The following PTPRD variants were observed in gnomAD, a reference collection of about 807,000 sequenced individuals.
PTPRD encodes the protein protein tyrosine phosphatase receptor type D.
In PTPRD, 34 loss-of-function variants were observed where a neutral mutation model predicts 214.5. That is an observed-to-expected ratio of 0.16 (90% CI 0.12 to 0.21). The LOEUF (loss-of-function observed/expected upper bound fraction) is 0.21, where lower values mean the gene tolerates loss of function less well. PTPRD is among the 10% of genes least tolerant of loss of function. The probability of loss-of-function intolerance (pLI) is 1.00; values close to 1 mark genes in which losing one functional copy is unlikely to be tolerated. For missense variants in PTPRD, 2,545 were observed against 2,398.7 expected (o/e 1.06, Z -1.27); for synonymous variants, 1,128 against 845.7 (o/e 1.33, Z -5.79).
rs545309862 is a variant in PTPRD at position 10,366,214 on chromosome 9, G to C, written c.-599-25197C>G. Reference sequence around the variant, plus strand: ...CTTCCCTATGCCATCTGTAAATACAGGTGGTTCCTGCTTTATGCCATGATC... The same window carrying C: ...CTTCCCTATGCCATCTGTAAATACACGTGGTTCCTGCTTTATGCCATGATC... On this transcript the variant is annotated intron_variant, in intron 2 of 45. Transcript: ENST00000381196. Among the ~76,000 whole-genome samples, 11 of 152,288 alleles carry C rather than the reference G, an allele frequency of 7.2e-5. No individual in the cohort carries two copies. In the South Asian group the frequency reaches 2.3e-3, roughly 32 times the overall value.
At chr9:8,331,304 C>G (rs2131602585) in intron 44 of PTPRD, among the ~76,000 whole-genome samples, 1 of 152,162 alleles carries the variant, frequency 6.6e-6, no homozygotes, top group Middle Eastern at 3.4e-3. Context: ...AGGGGAGGTA[C>G]CAACAATTCC....
intron 14 of PTPRD, among the ~76,000 whole-genome samples, chr9:8,600,410 C>A (rs964526891): frequency 6.6e-6 from 1 of 152,088 alleles, no homozygotes. Flanking sequence ...GGGCATGTAA[C>A]CTACTAACAC....
At chr9:10,414,154 CAGAGT>C (rs2098464676) in intron 2 of PTPRD, among the ~76,000 whole-genome samples, 1 of 151,872 alleles carries the variant, frequency 6.6e-6, no homozygotes. Context: ...CAACTATCAG[CAGAGT>C]AAAGAGACAA....
At chr9:9,140,334 T>C (rs2099858043) in intron 10 of PTPRD, among the ~76,000 whole-genome samples, 1 of 152,224 alleles carries the variant, frequency 6.6e-6, no homozygotes, top group Admixed American at 6.5e-5. Flanking sequence ...CCTTGGTATA[T>C]GTGTACATAC....
chr9:10,314,804 A>T (rs2096377661), intron 3 of PTPRD, among the ~76,000 whole-genome samples: 1 of 151,982 alleles, frequency 6.6e-6, no homozygotes, highest in South Asian at 2.1e-4. Flanking sequence ...TGGTTGAGGC[A>T]GGATTAGAAG....
At chr9:10,413,836 C>G (rs1475860394) in intron 2 of PTPRD, among the ~76,000 whole-genome samples, 1 of 151,878 alleles carries the variant, frequency 6.6e-6, no homozygotes, top group Non-Finnish European at 1.5e-5. Context: ...CTCAACAAAG[C>G]TGACAAAAAC....
At chr9:8,397,356 G>A (rs1451875476) in intron 36 of PTPRD, among the ~76,000 whole-genome samples, 2 of 152,102 alleles carry the variant, frequency 1.3e-5, no homozygotes, top group Non-Finnish European at 2.9e-5. Flanking sequence ...TGAAATAATT[G>A]TAATTGTTTT....
intron 33 of PTPRD, chr9:8,451,772 G>T (rs980979397): frequency 1.0e-5 from 4 of 384,050 alleles, no homozygotes; most frequent in African/African-American, 8.5e-5. Flanking sequence ...CTTTACTAAT[G>T]TGTCAGGCCC....
chr9:9,962,901 G>A (rs777787404), intron 4 of PTPRD, among the ~76,000 whole-genome samples: 1 of 152,044 alleles, frequency 6.6e-6, no homozygotes, highest in Admixed American at 6.5e-5. Context: ...ACAACTGAAT[G>A]AGAATGAATA....
At chr9:10,182,964 T>G (rs2099309010) in intron 3 of PTPRD, among the ~76,000 whole-genome samples, 1 of 152,178 alleles carries the variant, frequency 6.6e-6, no homozygotes, top group Non-Finnish European at 1.5e-5. Context: ...TAATGTATTT[T>G]TCTATATATT....
chr9:8,337,804 G>A (rs1848466348), intron 43 of PTPRD, among the ~76,000 whole-genome samples: 1 of 151,882 alleles, frequency 6.6e-6, no homozygotes, highest in African/African-American at 2.4e-5. Context: ...AGGAATAGTT[G>A]GTGAGTTTAC....
chr9:10,035,485 T>G (rs529692307), intron 3 of PTPRD, among the ~76,000 whole-genome samples: 4 of 152,182 alleles, frequency 2.6e-5, no homozygotes, highest in Admixed American at 2.6e-4. Context: ...GCTTTTGGCA[T>G]CTTCGTCATG....
chr9:8,685,438 C>T lies in PTPRD; in HGVS notation c.64+48342G>A, dbSNP rs751855106. On this transcript the variant is annotated intron_variant, in intron 12 of 45. Coordinates refer to ENST00000381196, the MANE Select transcript of PTPRD (RefSeq NM_002839.4). ...AAAATATACACAGCCACAATGTTTC[C>T]ATTTTGTTGGAGTTTCAGAAGAACT... Among the ~76,000 whole-genome samples, 3 of 152,126 alleles carry T rather than the reference C, an allele frequency of 2.0e-5. No individual in the cohort carries two copies. In the South Asian group the frequency reaches 6.2e-4, roughly 32 times the overall value.
chr9:10,394,938 G>C (rs887551947), intron 2 of PTPRD, among the ~76,000 whole-genome samples: 1 of 148,336 alleles, frequency 6.7e-6, no homozygotes, highest in Non-Finnish European at 1.5e-5. Flanking sequence ...CTTATGTGTT[G>C]CCACCATTTT....
At chr9:10,263,540 C>G (rs2093839179) in intron 3 of PTPRD, among the ~76,000 whole-genome samples, 1 of 152,076 alleles carries the variant, frequency 6.6e-6, no homozygotes, top group Non-Finnish European at 1.5e-5. Flanking sequence ...CATTTTGTCC[C>G]TGCCCTAGAG....
chr9:9,161,576 G>A (rs2099888981), intron 10 of PTPRD, among the ~76,000 whole-genome samples: 2 of 151,934 alleles, frequency 1.3e-5, no homozygotes, highest in Admixed American at 1.3e-4. Flanking sequence ...TTCAAGAAGT[G>A]AAAACTACAA....
chr9:9,063,118 G>T (rs2099710705), intron 10 of PTPRD, among the ~76,000 whole-genome samples: 1 of 152,072 alleles, frequency 6.6e-6, no homozygotes, highest in South Asian at 2.1e-4. Context: ...ATTGAGCTGG[G>T]AGTCAAGAGA....
intron 3 of PTPRD, among the ~76,000 whole-genome samples, chr9:10,261,360 A>G (rs530415934): frequency 2.8e-4 from 42 of 152,180 alleles, no homozygotes; most frequent in Admixed American, 2.2e-3. Flanking sequence ...AATGACTGGC[A>G]TTGCTAATGT....
At chr9:9,421,336 C>T (rs1411240940) in intron 8 of PTPRD, among the ~76,000 whole-genome samples, 4 of 151,464 alleles carry the variant, frequency 2.6e-5, no homozygotes, top group South Asian at 4.2e-4. Flanking sequence ...GAAATATGCA[C>T]GTCAAAATAA....
Sources: gnomAD v4.1 joint callset for allele counts (sites outside exome capture counted in the v4.1 genomes callset) on GRCh38, gnomAD v4.1.1 for gene constraint, MANE v1.5 for transcripts, NCBI Gene and HGNC (gene_info 2026-07-23, HGNC 2026-07-21) for gene names.